Variants in SCN2A observed in about 807,000 individuals in gnomAD.
The protein encoded by SCN2A is sodium channel protein type 2 subunit alpha.
In SCN2A, 20 loss-of-function variants were observed where a neutral mutation model predicts 188.7. The ratio of observed to expected loss-of-function variants is 0.11; its 90% CI spans 0.07 to 0.15. The LOEUF (loss-of-function observed/expected upper bound fraction) is 0.15, where lower values mean the gene tolerates loss of function less well. Among genes scored for constraint, SCN2A ranks in the 10% least tolerant of loss-of-function variants. SCN2A has a pLI of 1.00. For synonymous variants in SCN2A, 804 were observed against 833.1 expected, an observed-to-expected ratio of 0.97 and a Z score of 0.60; for missense variants, 1,278 against 2,445.0, an observed-to-expected ratio of 0.52 and a Z score of 10.07.
intron 3 of SCN2A, among the ~76,000 whole-genome samples, chr2:165,307,143 T>C (rs1477105034): frequency 6.6e-6 from 1 of 152,132 alleles, no homozygotes; most frequent in African/African-American, 2.4e-5. Context: ...AAGCAATTCA[T>C]TGAGCATCTA....
At chr2:165,291,575 T>TCCTTCCTTTCTCTC (rs1460696524) in intron 1 of SCN2A, among the ~76,000 whole-genome samples, 4 of 70,548 alleles carry the variant, frequency 5.7e-5, no homozygotes, top group African/African-American at 1.9e-4. Flanking sequence ...CTTCCTTCCT[T>TCCTTCCTTTCTCTC]TCTCTCTCTC....
chr2:165,295,242 G>A (rs1428593747), intron 1 of SCN2A, among the ~76,000 whole-genome samples: 1 of 152,162 alleles, frequency 6.6e-6, no homozygotes, highest in Admixed American at 6.5e-5. Flanking sequence ...AGGATTTCCA[G>A]AGATTTTTAC....
At chr2:165,380,538 CT>C (rs1701547619) in intron 23 of SCN2A, 53 bp from the exon 24 acceptor site, 1 of 1,347,452 alleles carries the variant, frequency 7.4e-7, no homozygotes, top group Admixed American at 1.7e-5. Flanking sequence ...CACTGATGTA[CT>C]TTTTGTGAAA....
rs569942954 is a variant in SCN2A, at chr2:165,312,860, C to T, written c.1035-760C>T. Reference sequence around the variant, plus strand: ...TACTGTGGACATTAGTAGCTAATACCTGTAGCAAAATTCCCAGTGATAATA... The same window carrying T: ...TACTGTGGACATTAGTAGCTAATACTTGTAGCAAAATTCCCAGTGATAATA... On this transcript the variant is annotated intron_variant, in intron 8 of 26. Transcript: ENST00000375437. Among the ~76,000 whole-genome samples, 14 of 152,214 alleles carry T rather than the reference C, an allele frequency of 9.2e-5. 1 individual carries two copies. Among genetic ancestry groups the T allele is most frequent in the Admixed American group, 9.2e-4 (14 of 15,274 alleles).
intron 1 of SCN2A, among the ~76,000 whole-genome samples, chr2:165,256,791 T>C (rs1427374801): frequency 6.6e-6 from 1 of 152,190 alleles, no homozygotes; most frequent in Non-Finnish European, 1.5e-5. Flanking sequence ...TCTTTTCATA[T>C]GTTTGGCGAT....
At chr2:165,352,467 A>T (rs1039246749) in intron 16 of SCN2A, among the ~76,000 whole-genome samples, 1 of 152,216 alleles carries the variant, frequency 6.6e-6, no homozygotes, top group African/African-American at 2.4e-5. Flanking sequence ...GCATGAGAAT[A>T]TAGCAAGAAT....
Position 165,386,883 on chromosome 2 carries a change from G to T in SCN2A, c.4689G>T (p.Leu1563=). ...AGAGTCAAGAAATGACAAACATTCT[G>T]TACTGGATTAATCTGGTGTTTATTG... ...DDQSQEMTNI[L]YWINLVFIVL... Residue 1563 remains leucine (L), a synonymous_variant, in exon 26 of 27, where the codon CTG becomes CTT. Coordinates refer to ENST00000375437, the MANE Select transcript of SCN2A (RefSeq NM_001040142.2). 1.2e-6 allele frequency: 2 copies of T among 1,613,944 alleles called. No homozygotes were observed. The highest frequency in any genetic ancestry group is 3.3e-5 in the Admixed American group (2 of 59,996).
chr2:165,369,711 G>C (rs1456164820), intron 19 of SCN2A, among the ~76,000 whole-genome samples: 1 of 152,054 alleles, frequency 6.6e-6, no homozygotes, highest in African/African-American at 2.4e-5. Flanking sequence ...ACAAGAAAGT[G>C]AGCAATGACA....
chr2:165,336,387 T>A (rs1483097530), intron 14 of SCN2A, among the ~76,000 whole-genome samples: 1 of 151,962 alleles, frequency 6.6e-6, no homozygotes, highest in Non-Finnish European at 1.5e-5. Context: ...ATCCAATAAA[T>A]GTTATTCATC....
chr2:165,291,495 C>CTTTTT, intron 1 of SCN2A, among the ~76,000 whole-genome samples: 1 of 44,272 alleles, frequency 2.3e-5, no homozygotes, highest in African/African-American at 9.0e-5. Context: ...TCTTTCTTTT[C>CTTTTT]TTTCTTTCTT....
chr2:165,348,105 T>A (rs191883696), intron 16 of SCN2A, among the ~76,000 whole-genome samples: 2 of 152,188 alleles, frequency 1.3e-5, no homozygotes, highest in African/African-American at 4.8e-5. Flanking sequence ...ACGCCTGTAA[T>A]CGCAGCATTT....
chr2:165,291,490 CT>C (rs200974907), intron 1 of SCN2A, among the ~76,000 whole-genome samples: 1,156 of 21,924 alleles, frequency 0.053, 60 homozygotes, highest in African/African-American at 0.11. Context: ...TTCTTTCTTT[CT>C]TTTCTTTCTT....
At chr2:165,357,138 C>T (rs1043896404) in intron 17 of SCN2A, among the ~76,000 whole-genome samples, 8 of 152,070 alleles carry the variant, frequency 5.3e-5, no homozygotes, top group Non-Finnish European at 1.2e-4. Flanking sequence ...TGAGGGTTAT[C>T]GCCGTGAAAG....
At chr2:165,383,171 A>G (rs986071086) in intron 25 of SCN2A, among the ~76,000 whole-genome samples, 11 of 152,152 alleles carry the variant, frequency 7.2e-5, no homozygotes, top group Admixed American at 3.9e-4. Flanking sequence ...ATAGTAATCA[A>G]ATAGTCCTGC....
Position 165,374,830 on chromosome 2 carries a change from A to G in SCN2A, c.4118A>G (p.Glu1373Gly), listed in dbSNP as rs918734456. ...CATTGTATTAATTACACCACTGGAG[A>G]GATGTTTGATGTAAGCGTGGTCAAC... ...FYHCINYTTG[E>G]MFDVSVVNNY... Residue 1373 changes from glutamate (E) to glycine (G), a missense_variant, in exon 22 of 27, where the codon GAG becomes GGG. Transcript: ENST00000375437. 6.2e-7 allele frequency: 1 copy of G among 1,613,608 alleles called. No individual in the cohort carries two copies. The highest frequency in any genetic ancestry group is 1.7e-5 in the Admixed American group (1 of 59,938).
chr2:165,277,272 A>G (rs1695390939), intron 1 of SCN2A, among the ~76,000 whole-genome samples: 2 of 152,176 alleles, frequency 1.3e-5, no homozygotes, highest in African/African-American at 4.8e-5. Context: ...ATTTTTATGC[A>G]AATCTCAGAA....
intron 17 of SCN2A, among the ~76,000 whole-genome samples, chr2:165,355,898 C>T (rs2105339801): frequency 6.6e-6 from 1 of 151,468 alleles, no homozygotes; most frequent in South Asian, 2.1e-4. Flanking sequence ...ACTCGGGAGG[C>T]TGAGGCAAGA....
At chr2:165,271,181 T>G (rs1695088380) in intron 1 of SCN2A, 1 of 152,166 alleles carries the variant, frequency 6.6e-6, no homozygotes, top group Admixed American at 6.6e-5. Context: ...GTGTTATTAC[T>G]TAAATTTCTC....
intron 14 of SCN2A, among the ~76,000 whole-genome samples, chr2:165,336,810 T>G (rs1405677097): frequency 6.6e-6 from 1 of 152,058 alleles, no homozygotes; most frequent in Non-Finnish European, 1.5e-5. Context: ...CATGTTGCAG[T>G]AAATGTTCTT....
Sources: gnomAD v4.1 joint callset for allele counts (sites outside exome capture counted in the v4.1 genomes callset) on GRCh38, gnomAD v4.1.1 for gene constraint, MANE v1.5 for transcripts, NCBI Gene and HGNC (gene_info 2026-07-23, HGNC 2026-07-21) for gene names.